ST3GAL1: variants seen among roughly 807,000 people sequenced by gnomAD.
ST3GAL1 encodes CMP-N-acetylneuraminate-beta-galactosamide-alpha-2,3-sialyltransferase 1.
Under a neutral mutation model 34.1 loss-of-function variants are expected in ST3GAL1, and 16 were observed. The ratio of observed to expected loss-of-function variants is 0.47; its 90% CI spans 0.32 to 0.71. ST3GAL1 has a LOEUF of 0.71. ST3GAL1 is among the 30% of genes least tolerant of loss of function. The pLI is 0.04. For synonymous variants in ST3GAL1, 191 were observed against 184.7 expected (o/e 1.03, Z -0.28); for missense variants, 353 against 447.4 (o/e 0.79, Z 1.90).
chr8:133,473,536 T>C (rs1816044570), intron 5 of ST3GAL1, among the ~76,000 whole-genome samples: 1 of 152,220 alleles, frequency 6.6e-6, no homozygotes, highest in African/African-American at 2.4e-5. Flanking sequence ...AGAGGAAGTT[T>C]GGACTTAACG....
chr8:133,534,526 T>C (rs1004455415), intron 2 of ST3GAL1, among the ~76,000 whole-genome samples: 3 of 152,074 alleles, frequency 2.0e-5, no homozygotes, highest in Non-Finnish European at 4.4e-5. Context: ...TTGCCTAAGT[T>C]AATTGGAGGC....
intron 1 of ST3GAL1, among the ~76,000 whole-genome samples, chr8:133,547,774 T>C (rs752440266): frequency 2.0e-5 from 3 of 152,128 alleles, no homozygotes; most frequent in Non-Finnish European, 4.4e-5. Flanking sequence ...ACCACTGAGG[T>C]TTCTTTATAC....
intron 2 of ST3GAL1, among the ~76,000 whole-genome samples, chr8:133,545,150 TAAG>T (rs1194815637): frequency 2.0e-5 from 3 of 152,252 alleles, no homozygotes; most frequent in Non-Finnish European, 1.5e-5. Flanking sequence ...ATTATCCCCA[TAAG>T]AAGTGGTTCT....
intron 2 of ST3GAL1, among the ~76,000 whole-genome samples, chr8:133,541,102 T>TAAAC (rs1818506962): frequency 6.8e-5 from 3 of 44,002 alleles, no homozygotes; most frequent in African/African-American, 4.6e-4. Flanking sequence ...TAAACATATA[T>TAAAC]ATATATATAT....
chr8:133,515,189 C>T (rs771810743), intron 2 of ST3GAL1, among the ~76,000 whole-genome samples: 2 of 152,214 alleles, frequency 1.3e-5, no homozygotes, highest in African/African-American at 2.4e-5. Flanking sequence ...CAAGAGAGCT[C>T]GCTCCCATGC....
At chr8:133,528,244 C>A (rs1818037002) in intron 2 of ST3GAL1, among the ~76,000 whole-genome samples, 1 of 152,098 alleles carries the variant, frequency 6.6e-6, no homozygotes. Flanking sequence ...ACTCCTAGGG[C>A]CCCCAGAGAC....
At chr8:133,507,731 T>C (rs1817387684) in intron 2 of ST3GAL1, among the ~76,000 whole-genome samples, 1 of 152,162 alleles carries the variant, frequency 6.6e-6, no homozygotes, top group African/African-American at 2.4e-5. Flanking sequence ...CCACTGGACT[T>C]TCCTTAGGTA....
intron 1 of ST3GAL1, among the ~76,000 whole-genome samples, chr8:133,547,327 G>A (rs1232824944): frequency 2.0e-5 from 3 of 151,876 alleles, no homozygotes; most frequent in Admixed American, 6.6e-5. Flanking sequence ...TGGAGGGGCC[G>A]TGGCATGACT....
At chr8:133,537,217 T>TG (rs1451942393) in intron 2 of ST3GAL1, among the ~76,000 whole-genome samples, 2 of 151,832 alleles carry the variant, frequency 1.3e-5, no homozygotes, top group African/African-American at 4.8e-5. Context: ...GAGAGATGCG[T>TG]GGGGGGAGGT....
chr8:133,531,670 G>C (rs1818156402), intron 2 of ST3GAL1, among the ~76,000 whole-genome samples: 1 of 152,054 alleles, frequency 6.6e-6, no homozygotes, highest in South Asian at 2.1e-4. Context: ...AGGGGGTGAG[G>C]GGAGGGAGAG....
intron 2 of ST3GAL1, among the ~76,000 whole-genome samples, chr8:133,523,677 A>G (rs752506371): frequency 6.6e-6 from 1 of 152,188 alleles, no homozygotes; most frequent in Non-Finnish European, 1.5e-5. Flanking sequence ...CACCATTCCT[A>G]GGTACCAGAT....
chr8:133,496,479 A>C (rs1816949377), intron 3 of ST3GAL1, among the ~76,000 whole-genome samples: 1 of 152,182 alleles, frequency 6.6e-6, no homozygotes, highest in Non-Finnish European at 1.5e-5. Context: ...CCCCGTCCCC[A>C]TGCCTGGCTA....
intron 2 of ST3GAL1, among the ~76,000 whole-genome samples, chr8:133,545,542 G>A (rs1385078743): frequency 2.0e-5 from 3 of 152,184 alleles, no homozygotes; most frequent in African/African-American, 7.2e-5. Context: ...TTAAGAAAAA[G>A]AAAAGCTGCT....
At chr8:133,511,803 C>A (rs1586630858) in intron 2 of ST3GAL1, among the ~76,000 whole-genome samples, 1 of 152,162 alleles carries the variant, frequency 6.6e-6, no homozygotes, top group African/African-American at 2.4e-5. Context: ...CCTGTAATCC[C>A]AGCACTTTGG....
At chr8:133,495,494 T>C (rs955342645) in intron 3 of ST3GAL1, among the ~76,000 whole-genome samples, 2 of 152,224 alleles carry the variant, frequency 1.3e-5, no homozygotes, top group African/African-American at 2.4e-5. Flanking sequence ...GACGTAGGAT[T>C]CAAATCCAGA....
chr8:133,486,481 C>T (rs746321341), intron 3 of ST3GAL1, among the ~76,000 whole-genome samples: 123 of 152,338 alleles, frequency 8.1e-4, no homozygotes, highest in Non-Finnish European at 1.5e-3. Context: ...CACTCAACGC[C>T]GCTCTCCTCC....
Position 133,467,170 on chromosome 8 carries a change from TA to T in ST3GAL1, c.307-1081del, listed in dbSNP as rs1340414591. On this transcript the variant is annotated intron_variant, in intron 5 of 9. Transcript: ENST00000522652. This position sits in a 1 kb window ranked among gnomAD's most constrained non-coding sequence, Gnocchi z 4.2. ...AATGCCAGTCTTATTCCAGGGTGAC[TA>T]AATATTACTTATTTGCCCAGGTTAA... 6.6e-6 allele frequency among the ~76,000 whole-genome samples: 1 copy of T among 151,834 alleles called. No individual in the cohort carries two copies. The highest frequency in any genetic ancestry group is 1.9e-4 in the East Asian group (1 of 5,176).
rs1816176285 is a variant in ST3GAL1 at position 133,476,332 on chromosome 8, G to A, written c.-105C>T. The A allele has an allele frequency of 3.9e-6, 1 of 256,108 alleles. No individual in the cohort carries two copies. Among genetic ancestry groups the A allele is most frequent in the Admixed American group, 4.9e-5 (1 of 20,350 alleles). 15.9% of individuals were successfully genotyped at this position (256,108 alleles called of 1,614,324 possible). A position where few individuals can be genotyped will look rare whatever the true frequency, so the allele number is the denominator to read the frequency against. ...CTGCAATCCTTAAAGAGCTGATAATGTCTCTCGATCAAGCTTTAACCAGTG... is the reference window on the plus strand; with the variant it reads ...CTGCAATCCTTAAAGAGCTGATAATATCTCTCGATCAAGCTTTAACCAGTG... On this transcript the variant is annotated 5_prime_UTR_variant, in exon 4 of 10. Transcript: ENST00000522652.
Position 133,542,027 on chromosome 8 carries a change from T to A in ST3GAL1, c.-429+3747A>T, listed in dbSNP as rs564564343. Among the ~76,000 whole-genome samples the A allele has an allele frequency of 7.9e-5, 12 of 152,298 alleles. No individual in the cohort carries two copies. In the South Asian group the frequency reaches 1.7e-3, roughly 21 times the overall value. On this transcript the variant is annotated intron_variant, in intron 2 of 9. Coordinates refer to ENST00000522652, the MANE Select transcript of ST3GAL1 (RefSeq NM_173344.3). Reference sequence around the variant, plus strand: ...TAGGTCAATTTGAAAATGATCTGAATGATGTGTGGATATACATGTGGATGT... The same window carrying A: ...TAGGTCAATTTGAAAATGATCTGAAAGATGTGTGGATATACATGTGGATGT...
Sources: gnomAD v4.1 joint callset for allele counts (sites outside exome capture counted in the v4.1 genomes callset) on GRCh38, gnomAD v4.1.1 for gene constraint, Gnocchi (gnomAD v3.1) non-coding constraint, MANE v1.5 for transcripts, NCBI Gene and HGNC (gene_info 2026-07-23, HGNC 2026-07-21) for gene names.